The following CEP128 variants were observed in gnomAD, a reference collection of about 807,000 sequenced individuals.
CEP128 encodes centrosomal protein 128kDa.
A neutral mutation model predicts 156.7 loss-of-function variants in CEP128; 132 were observed. The observed-to-expected ratio is 0.84, with a 90% CI of 0.73 to 0.97. The LOEUF is 0.97. Among genes scored for constraint, CEP128 ranks in the 50% least tolerant of loss-of-function variants. The probability of loss-of-function intolerance (pLI) is 0.00; values close to 1 mark genes in which losing one functional copy is unlikely to be tolerated. For synonymous variants in CEP128, 469 were observed against 448.9 expected (o/e 1.04, Z -0.57); for missense variants, 1,252 against 1,281.9 (o/e 0.98, Z 0.36).
intron 3 of CEP128, among the ~76,000 whole-genome samples, chr14:80,915,422 T>C (rs1235776177): frequency 2.0e-5 from 3 of 152,238 alleles, no homozygotes; most frequent in Non-Finnish European, 4.4e-5. Context: ...TATCTAAGCA[T>C]ATTAATCCAA....
intron 12 of CEP128, among the ~76,000 whole-genome samples, chr14:80,832,192 T>A (rs1885839989): frequency 6.6e-6 from 1 of 152,206 alleles, no homozygotes; most frequent in Non-Finnish European, 1.5e-5. Context: ...CGTGGAACTG[T>A]GAGTCCATTA....
At chr14:80,530,139 T>C (rs978736608) in intron 22 of CEP128, among the ~76,000 whole-genome samples, 1 of 152,240 alleles carries the variant, frequency 6.6e-6, no homozygotes, top group South Asian at 2.1e-4. Flanking sequence ...CAATAAATTA[T>C]AAATCATTAA....
chr14:80,571,467 T>C (rs8013422), intron 20 of CEP128, among the ~76,000 whole-genome samples: 86,230 of 151,968 alleles, frequency 0.57, 24,769 homozygotes, highest in East Asian at 0.72. Flanking sequence ...AAAGTAAACA[T>C]TAAACTTCTA....
intron 8 of CEP128, chr14:80,894,654 C>T: frequency 4.7e-6 from 2 of 427,790 alleles, no homozygotes; most frequent in Admixed American, 2.7e-5. Flanking sequence ...GTATCTTCAC[C>T]TTTCCAAGGC....
chr14:80,781,381 C>T (rs948722617), intron 15 of CEP128, among the ~76,000 whole-genome samples: 3 of 143,470 alleles, frequency 2.1e-5, no homozygotes, highest in Admixed American at 7.5e-5. Context: ...TGCTTGAACC[C>T]GGGAGGCGGA....
At chr14:80,537,096 G>C (rs1211779369) in intron 21 of CEP128, among the ~76,000 whole-genome samples, 1 of 152,084 alleles carries the variant, frequency 6.6e-6, no homozygotes, top group East Asian at 1.9e-4. Context: ...GATAAAATTT[G>C]AGAACAGGTA....
chr14:80,617,498 G>A (rs891533319), intron 19 of CEP128, among the ~76,000 whole-genome samples: 5 of 151,780 alleles, frequency 3.3e-5, no homozygotes, highest in African/African-American at 1.2e-4. Context: ...GCCTCCCAAA[G>A]TGCTGGGATT....
At position 80,581,890 on chromosome 14, in the gene CEP128, C is replaced by T. The variant is rs116917875; in HGVS notation, c.2807-1467G>A. The stretch of plus-strand genomic sequence containing the variant: ...GCTACTTCCATCAAGAGGCCATGCA[C>T]ATCTGCTTCACTTCTTGCATCTGGG... On this transcript the variant is annotated intron_variant, in intron 19 of 24. Transcript: ENST00000555265. Among the ~76,000 whole-genome samples, 741 of 152,330 alleles carry T rather than the reference C, an allele frequency of 4.9e-3. 2 individuals are homozygous for T. Among genetic ancestry groups the T allele is most frequent in the African/African-American group, 5.5e-3 (230 of 41,582 alleles).
At chr14:80,814,553 G>A (rs1884741302) in intron 13 of CEP128, among the ~76,000 whole-genome samples, 1 of 151,886 alleles carries the variant, frequency 6.6e-6, no homozygotes, top group Non-Finnish European at 1.5e-5. Context: ...TAAGGGCCAG[G>A]GCAAACAAAA....
downstream of CEP128, among the ~76,000 whole-genome samples, chr14:80,487,946 C>T (rs566803089): frequency 6.6e-6 from 1 of 151,340 alleles, no homozygotes; most frequent in Non-Finnish European, 1.5e-5. Flanking sequence ...AATTGACACC[C>T]TAATGTCACA....
chr14:80,801,799 T>A (rs1367986366), intron 13 of CEP128, among the ~76,000 whole-genome samples: 1 of 148,212 alleles, frequency 6.7e-6, no homozygotes, highest in African/African-American at 2.5e-5. Flanking sequence ...TCCCAGCTAC[T>A]TGGGAGGCTG....
intron 20 of CEP128, among the ~76,000 whole-genome samples, chr14:80,572,046 T>A (rs917481324): frequency 6.6e-6 from 1 of 152,234 alleles, no homozygotes; most frequent in African/African-American, 2.4e-5. Flanking sequence ...CTTGGTTTCA[T>A]GTGTGACTTT....
At chr14:80,867,994 C>T (rs1384809468) in intron 8 of CEP128, among the ~76,000 whole-genome samples, 1 of 151,900 alleles carries the variant, frequency 6.6e-6, no homozygotes, top group Non-Finnish European at 1.5e-5. Flanking sequence ...CAAGGGAACC[C>T]TTATGAGACT....
At chr14:80,575,540 G>T (rs2140428164) in intron 20 of CEP128, among the ~76,000 whole-genome samples, 1 of 152,324 alleles carries the variant, frequency 6.6e-6, no homozygotes, top group Middle Eastern at 3.4e-3. Context: ...AAGGGTAGAA[G>T]GTGGCGGAAG....
intron 19 of CEP128, among the ~76,000 whole-genome samples, chr14:80,691,005 A>G (rs1896703457): frequency 6.6e-6 from 1 of 152,180 alleles, no homozygotes; most frequent in Admixed American, 6.5e-5. Context: ...CTATTCCTCC[A>G]TCACAACACA....
chr14:80,541,885 G>A (rs1889779427), intron 21 of CEP128, among the ~76,000 whole-genome samples: 1 of 152,200 alleles, frequency 6.6e-6, no homozygotes, highest in Non-Finnish European at 1.5e-5. Context: ...GTCTACCTGA[G>A]TTTAAACCCT....
intron 22 of CEP128, among the ~76,000 whole-genome samples, chr14:80,530,025 G>A (rs1252179718): frequency 2.6e-5 from 4 of 152,114 alleles, no homozygotes; most frequent in Non-Finnish European, 5.9e-5. Context: ...GATCTAAACA[G>A]AACCTAAATA....
intron 14 of CEP128, among the ~76,000 whole-genome samples, chr14:80,482,036 T>C (rs975671004): frequency 6.6e-6 from 1 of 152,244 alleles, no homozygotes; most frequent in Non-Finnish European, 1.5e-5. Context: ...AAATATAGTT[T>C]GGGTGGGAGA....
chr14:80,645,913 G>A (rs1238737584), intron 19 of CEP128, among the ~76,000 whole-genome samples: 1 of 152,146 alleles, frequency 6.6e-6, no homozygotes, highest in Non-Finnish European at 1.5e-5. Context: ...ATAAAGCCAT[G>A]AAAAGACATA....
Sources: allele counts gnomAD v4.1 joint callset (sites outside exome capture counted in the v4.1 genomes callset), GRCh38; gene constraint gnomAD v4.1.1; transcripts MANE v1.5; gene names NCBI Gene and HGNC (gene_info 2026-07-23, HGNC 2026-07-21).